Variants in DCC observed in about 807,000 individuals in gnomAD.
DCC encodes the protein DCC netrin 1 receptor.
A neutral mutation model predicts 172.5 loss-of-function variants in DCC; 58 were observed. The observed-to-expected ratio is 0.34, with a 90% CI of 0.27 to 0.42. DCC has a LOEUF of 0.42. Ranked by LOEUF, DCC falls within the 10% of genes least tolerant of loss-of-function variation. The pLI is 1.00. For synonymous variants in DCC, 709 were observed against 644.5 expected (o/e 1.10, Z -1.52); for missense variants, 1,740 against 1,791.0 (o/e 0.97, Z 0.51).
chr18:53,197,989 C>T (rs938739607), intron 9 of DCC, among the ~76,000 whole-genome samples: 12 of 151,962 alleles, frequency 7.9e-5, no homozygotes, highest in Non-Finnish European at 1.5e-4. Flanking sequence ...TTTGAAATAC[C>T]GATGATTTGG....
chr18:53,145,342 T>C (rs2144360965), intron 7 of DCC, among the ~76,000 whole-genome samples: 1 of 152,252 alleles, frequency 6.6e-6, no homozygotes, highest in East Asian at 1.9e-4. Flanking sequence ...CTAGATCTCC[T>C]GGCCTCGTGA....
chr18:52,582,119 T>G lies in DCC; in HGVS notation c.92-169935T>G, dbSNP rs539186558. On this transcript the variant is annotated intron_variant, in intron 1 of 28. Coordinates refer to ENST00000442544, the MANE Select transcript of DCC (RefSeq NM_005215.4). ...TTCATCATAAATACACACATGTGAT[T>G]GTGCACATAGTATGGTTATCATTTC... Among the ~76,000 whole-genome samples, 4 of 152,340 alleles carry G rather than the reference T, an allele frequency of 2.6e-5. No individual in the cohort carries two copies. The East Asian group carries it at 5.8e-4, about 22-fold the overall frequency.
chr18:53,189,527 T>C, intron 9 of DCC, among the ~76,000 whole-genome samples: 1 of 152,230 alleles, frequency 6.6e-6, no homozygotes, highest in Non-Finnish European at 1.5e-5. Flanking sequence ...TACAGGTATA[T>C]ACATACATTA....
intron 27 of DCC, among the ~76,000 whole-genome samples, chr18:53,523,775 G>A (rs982995388): frequency 9.9e-5 from 15 of 152,046 alleles, no homozygotes; most frequent in African/African-American, 3.6e-4. Flanking sequence ...GGGGCTGGGG[G>A]AGGGATAGCA....
intron 1 of DCC, among the ~76,000 whole-genome samples, chr18:52,648,937 T>C (rs1350562041): frequency 6.6e-6 from 1 of 152,204 alleles, no homozygotes; most frequent in Non-Finnish European, 1.5e-5. Context: ...TATTTTCTGA[T>C]TCTGTATCTT....
At chr18:52,571,734 T>G (rs2144759708) in intron 1 of DCC, among the ~76,000 whole-genome samples, 1 of 152,264 alleles carries the variant, frequency 6.6e-6, no homozygotes, top group East Asian at 1.9e-4. Context: ...ATCAGATCCA[T>G]ACCAGGGACT....
chr18:53,361,699 T>A (rs2057949761), intron 15 of DCC, among the ~76,000 whole-genome samples: 1 of 152,208 alleles, frequency 6.6e-6, no homozygotes, highest in African/African-American at 2.4e-5. Context: ...CCTATCTACC[T>A]TTTTTGTAAT....
chr18:52,650,141 G>A (rs1343032411), intron 1 of DCC, among the ~76,000 whole-genome samples: 2 of 151,966 alleles, frequency 1.3e-5, no homozygotes, highest in African/African-American at 4.8e-5. Context: ...ACCACGCCTC[G>A]CTAATTTTTG....
intron 15 of DCC, among the ~76,000 whole-genome samples, chr18:53,344,422 T>C (rs1599044466): frequency 6.7e-6 from 1 of 149,996 alleles, no homozygotes; most frequent in East Asian, 2.0e-4. Context: ...TGGTTTTCTT[T>C]TCTTTCTTTT....
chr18:53,460,784 G>A (rs2045548631), intron 24 of DCC, among the ~76,000 whole-genome samples: 1 of 152,042 alleles, frequency 6.6e-6, no homozygotes, highest in East Asian at 1.9e-4. Flanking sequence ...ATAGTCCTTT[G>A]GGTATATCCC....
chr18:53,157,314 T>G, intron 7 of DCC, 42 bp from the exon 8 acceptor site: 1 of 1,613,330 alleles, frequency 6.2e-7, no homozygotes. Context: ...TTCTTACCTA[T>G]GGCAGCGACA....
At chr18:53,026,248 T>C (rs2143940563) in intron 5 of DCC, among the ~76,000 whole-genome samples, 1 of 152,224 alleles carries the variant, frequency 6.6e-6, no homozygotes, top group Admixed American at 6.5e-5. Context: ...AAAAGAAAAT[T>C]TAATGCTCTG....
intron 2 of DCC, among the ~76,000 whole-genome samples, chr18:52,774,620 T>C (rs73955985): frequency 0.033 from 5,043 of 152,098 alleles, 306 homozygotes; most frequent in African/African-American, 0.11. Flanking sequence ...CCTCGCAGAG[T>C]GTGTGATGGG....
In DCC at chr18:53,039,841, C is replaced by G. The variant is rs529414478; in HGVS notation, c.986-23464C>G. 5.3e-5 allele frequency among the ~76,000 whole-genome samples: 8 copies of G among 152,024 alleles called. No individual in the cohort carries two copies. The South Asian group carries it at 1.7e-3, about 32-fold the overall frequency. ...TGTAGTTGTTCCTCTTCTGTAATAG[C>G]AATGATCACACCATATAGGTATTAA... is the stretch of plus-strand genomic sequence containing the variant. On this transcript the variant is annotated intron_variant, in intron 5 of 28. Coordinates refer to ENST00000442544, the MANE Select transcript of DCC (RefSeq NM_005215.4).
At chr18:52,648,645 C>T (rs1208408729) in intron 1 of DCC, among the ~76,000 whole-genome samples, 1 of 152,182 alleles carries the variant, frequency 6.6e-6, no homozygotes, top group African/African-American at 2.4e-5. Context: ...CACACACATG[C>T]ACTTGAGACT....
chr18:53,480,991 G>C (rs935393225), intron 25 of DCC: 4 of 152,156 alleles, frequency 2.6e-5, no homozygotes, highest in African/African-American at 9.7e-5. Context: ...ATGGGCGTAT[G>C]CACAGGTCTG....
chr18:52,975,943 C>T (rs1279634740), intron 5 of DCC, among the ~76,000 whole-genome samples: 6 of 152,174 alleles, frequency 3.9e-5, no homozygotes, highest in Non-Finnish European at 8.8e-5. Flanking sequence ...CGCTGTCCTT[C>T]ACAATGGCTG....
At chr18:52,383,655 T>C (rs764423230) in intron 1 of DCC, among the ~76,000 whole-genome samples, 3 of 152,096 alleles carry the variant, frequency 2.0e-5, no homozygotes, top group African/African-American at 4.8e-5. Context: ...ATTTCATTCA[T>C]GAATTATTCA....
chr18:52,923,334 T>C (rs2040153327), intron 3 of DCC, among the ~76,000 whole-genome samples: 1 of 152,148 alleles, frequency 6.6e-6, no homozygotes, highest in Non-Finnish European at 1.5e-5. Context: ...TAGAAGAAAG[T>C]AGAATAGATA....
Sources: gnomAD v4.1 joint callset for allele counts (sites outside exome capture counted in the v4.1 genomes callset) on GRCh38, gnomAD v4.1.1 for gene constraint, MANE v1.5 for transcripts, NCBI Gene and HGNC (gene_info 2026-07-23, HGNC 2026-07-21) for gene names.